Variants in DLGAP4 observed in about 807,000 individuals in gnomAD.
The protein encoded by DLGAP4 is disks large-associated protein 4.
A neutral mutation model predicts 86.9 loss-of-function variants in DLGAP4; 18 were observed. The ratio of observed to expected loss-of-function variants is 0.21; its 90% CI spans 0.14 to 0.31. The LOEUF is 0.31. DLGAP4 is among the 10% of genes least tolerant of loss of function. The probability of loss-of-function intolerance (pLI) is 1.00; values close to 1 mark genes in which losing one functional copy is unlikely to be tolerated. For missense variants in DLGAP4, 1,085 were observed against 1,362.6 expected, an observed-to-expected ratio of 0.80 and a Z score of 3.21; for synonymous variants, 548 against 574.3, an observed-to-expected ratio of 0.95 and a Z score of 0.65.
At chr20:36,322,910 C>T (rs1253225926) in intron 1 of DLGAP4, among the ~76,000 whole-genome samples, 1 of 152,078 alleles carries the variant, frequency 6.6e-6, no homozygotes, top group Non-Finnish European at 1.5e-5. Context: ...TGCAGTGGCT[C>T]ACGCCTGTAA....
At chr20:36,464,249 G>A (rs1175081931) in intron 7 of DLGAP4, among the ~76,000 whole-genome samples, 1 of 152,194 alleles carries the variant, frequency 6.6e-6, no homozygotes, top group East Asian at 1.9e-4. Context: ...TCCTAAGACT[G>A]ATTCTGAAAT....
chr20:36,510,613 G>A (rs778804681), intron 10 of DLGAP4, among the ~76,000 whole-genome samples: 2 of 152,012 alleles, frequency 1.3e-5, no homozygotes, highest in African/African-American at 2.4e-5. Context: ...GTTTCACCGT[G>A]TTGGCCAGGC....
intron 2 of DLGAP4, among the ~76,000 whole-genome samples, chr20:36,409,035 T>G (rs1569489229): frequency 3.9e-5 from 1 of 25,734 alleles, no homozygotes; most frequent in Non-Finnish European, 9.1e-5. Context: ...AATAAAAGGC[T>G]TTTTTTTTTT....
intron 11 of DLGAP4, among the ~76,000 whole-genome samples, chr20:36,525,242 AAAAAAAAAAAAACAAAG>A (rs2037657695): frequency 9.1e-6 from 1 of 109,994 alleles, no homozygotes; most frequent in Non-Finnish European, 2.0e-5. Context: ...AAAAAAAAAA[AAAAAAAAAAAAACAAAG>A]AAATCCCACT....
At chr20:36,404,668 A>G (rs2032260816) in intron 2 of DLGAP4, among the ~76,000 whole-genome samples, 1 of 152,208 alleles carries the variant, frequency 6.6e-6, no homozygotes, top group Non-Finnish European at 1.5e-5. Context: ...TCTGTGTGTG[A>G]CATCAGTCTT....
At chr20:36,465,171 AC>A (rs1201277543) in intron 7 of DLGAP4, 1 of 63,210 alleles carries the variant, frequency 1.6e-5, no homozygotes, top group Non-Finnish European at 3.3e-5. Context: ...CATCCCCCCC[AC>A]CCCCGCATGC....
At chr20:36,470,451 A>G (rs2034610142) in intron 7 of DLGAP4, among the ~76,000 whole-genome samples, 1 of 152,036 alleles carries the variant, frequency 6.6e-6, no homozygotes, top group Non-Finnish European at 1.5e-5. Context: ...GGAGTCTGAT[A>G]CCTGAGATCT....
intron 12 of DLGAP4, chr20:36,526,245 TCCTGGGAGAGGCA>T: frequency 1.6e-6 from 1 of 632,110 alleles, no homozygotes; most frequent in South Asian, 1.8e-5. Context: ...GAAAAGGGGA[TCCTGGGAGAGGCA>T]CGCCCACAGC....
chr20:36,445,459 G>A (rs1341405968), intron 6 of DLGAP4, among the ~76,000 whole-genome samples: 9 of 152,158 alleles, frequency 5.9e-5, no homozygotes, highest in South Asian at 2.1e-4. Context: ...AGCCGAGATC[G>A]CGCCACTGCA....
chr20:36,461,658 G>GCCCCCCCCC, intron 7 of DLGAP4: 2 of 274,482 alleles, frequency 7.3e-6, no homozygotes, highest in Non-Finnish European at 9.9e-6. Context: ...GACGGGGGCC[G>GCCCCCCCCC]CCCCGCCCGG....
At chr20:36,442,071 C>T (rs1326538706) in intron 5 of DLGAP4, among the ~76,000 whole-genome samples, 1 of 152,194 alleles carries the variant, frequency 6.6e-6, no homozygotes, top group African/African-American at 2.4e-5. Context: ...GATATTCTAG[C>T]CTGGGGAAGA....
chr20:36,342,045 C>G (rs914083784), intron 1 of DLGAP4, among the ~76,000 whole-genome samples: 1 of 152,294 alleles, frequency 6.6e-6, no homozygotes, highest in Middle Eastern at 3.4e-3. Flanking sequence ...CCCAGGAACC[C>G]CTGGTGGCCG....
chr20:36,407,825 G>A (rs2032369585), intron 2 of DLGAP4, among the ~76,000 whole-genome samples: 1 of 152,116 alleles, frequency 6.6e-6, no homozygotes, highest in Non-Finnish European at 1.5e-5. Flanking sequence ...GGCTGGAGAT[G>A]CTACCGCAGA....
intron 2 of DLGAP4, among the ~76,000 whole-genome samples, chr20:36,419,688 G>A (rs1335755619): frequency 1.3e-5 from 2 of 152,220 alleles, no homozygotes; most frequent in Non-Finnish European, 2.9e-5. Context: ...AGTGCTGGCT[G>A]TTGGCAGGAG....
intron 2 of DLGAP4, among the ~76,000 whole-genome samples, chr20:36,369,453 T>A (rs1600443476): frequency 6.6e-6 from 1 of 151,936 alleles, no homozygotes; most frequent in East Asian, 1.9e-4. Flanking sequence ...ATTAGCCAGG[T>A]GTGGTGGCAG....
intron 5 of DLGAP4, among the ~76,000 whole-genome samples, chr20:36,440,996 G>A (rs1396511415): frequency 6.6e-6 from 1 of 152,074 alleles, no homozygotes; most frequent in African/African-American, 2.4e-5. Context: ...GGGAGGGGTA[G>A]AGTGCCGCAG....
chr20:36,521,365 CTTTTTT>C (rs1012132583), intron 10 of DLGAP4, among the ~76,000 whole-genome samples: 1 of 152,004 alleles, frequency 6.6e-6, no homozygotes, highest in Non-Finnish European at 1.5e-5. Flanking sequence ...AGTAGTTTTT[CTTTTTT>C]ATTACTTAGT....
At chr20:36,450,882 G>A (rs138509323) in intron 7 of DLGAP4, among the ~76,000 whole-genome samples, 2 of 152,260 alleles carry the variant, frequency 1.3e-5, no homozygotes, top group African/African-American at 4.8e-5. Context: ...GGGCAAATGC[G>A]TTGAGATTTG....
intron 2 of DLGAP4, among the ~76,000 whole-genome samples, chr20:36,397,270 T>A (rs1490523563): frequency 6.6e-6 from 1 of 152,006 alleles, no homozygotes; most frequent in Non-Finnish European, 1.5e-5. Flanking sequence ...CTTGGGTGAG[T>A]CCTAATTCAG....
Sources: gnomAD v4.1 joint callset for allele counts (sites outside exome capture counted in the v4.1 genomes callset) on GRCh38, gnomAD v4.1.1 for gene constraint, MANE v1.5 for transcripts, NCBI Gene and HGNC (gene_info 2026-07-23, HGNC 2026-07-21) for gene names.